The following APCDD1L variants were observed in gnomAD, a reference collection of about 807,000 sequenced individuals.
APCDD1L encodes APC down-regulated 1 like.
A neutral mutation model predicts 24.2 loss-of-function variants in APCDD1L; 21 were observed. The observed-to-expected ratio is 0.87, with a 90% CI of 0.61 to 1.25. The LOEUF is 1.25. Ranked by LOEUF, APCDD1L falls within the 50% of genes most tolerant of loss-of-function variation. The pLI is 0.00. For synonymous variants in APCDD1L, 321 were observed against 323.6 expected, an observed-to-expected ratio of 0.99 and a Z score of 0.09; for missense variants, 704 against 711.7, an observed-to-expected ratio of 0.99 and a Z score of 0.12.
intron 1 of APCDD1L, among the ~76,000 whole-genome samples, chr20:58,488,536 GC>G (rs1990167219): frequency 6.6e-6 from 1 of 152,182 alleles, no homozygotes; most frequent in Non-Finnish European, 1.5e-5. Flanking sequence ...TGATTACAAT[GC>G]AAAGAAATTA....
At chr20:58,488,703 C>T (rs886585900) in intron 1 of APCDD1L, among the ~76,000 whole-genome samples, 2 of 152,146 alleles carry the variant, frequency 1.3e-5, no homozygotes, top group African/African-American at 2.4e-5. Context: ...CACATCAAAA[C>T]TCATGGAATG....
Position 58,470,668 on chromosome 20 carries a change from A to C in APCDD1L, c.129T>G (p.Asp43Glu), listed in dbSNP as rs776806093. ...WEPHCQQPLP[D>E]RVPSTAILPP... is the part of the protein sequence containing the mutation. ...GCAGGATCGCAGTGCTGGGCACTCT[A>C]TCTGGCAAGGGCTGCTGGCAGTGGG... Residue 43 changes from aspartate to glutamate, a missense_variant, in exon 2 of 4, where the codon GAT becomes GAG. Physicochemically the swap from Asp to Glu is conservative, Grantham distance 45 (BLOSUM62 2). Coordinates refer to ENST00000371149, the MANE Select transcript of APCDD1L (RefSeq NM_153360.3). 8 of 1,568,626 alleles carry C rather than the reference A, an allele frequency of 5.1e-6. No homozygotes were observed. Among genetic ancestry groups the C allele is most frequent in the Non-Finnish European group, 6.1e-6 (7 of 1,156,522 alleles).
chr20:58,501,511 A>T (rs1990437125), intron 1 of APCDD1L, among the ~76,000 whole-genome samples: 1 of 152,306 alleles, frequency 6.6e-6, no homozygotes, highest in Non-Finnish European at 1.5e-5. Flanking sequence ...GCAGAAACCA[A>T]CCCTGCAGAC....
intron 3 of APCDD1L, among the ~76,000 whole-genome samples, chr20:58,465,488 A>G (rs949459024): frequency 1.6e-4 from 25 of 152,220 alleles, no homozygotes; most frequent in Admixed American, 1.6e-3. Context: ...CAACAAATAC[A>G]TGCTGAATGA....
chr20:58,462,804 A>C (rs1989633395), intron 3 of APCDD1L, among the ~76,000 whole-genome samples: 1 of 149,526 alleles, frequency 6.7e-6, no homozygotes, highest in Non-Finnish European at 1.5e-5. Context: ...AGATCACACC[A>C]TTGTACTCTG....
intron 1 of APCDD1L, among the ~76,000 whole-genome samples, chr20:58,477,422 C>T (rs1298517052): frequency 6.6e-6 from 1 of 152,136 alleles, no homozygotes; most frequent in Non-Finnish European, 1.5e-5. Flanking sequence ...GATGTTTCCT[C>T]GTGAGTAAAT....
chr20:58,470,607 AC>A lies in APCDD1L; in HGVS notation c.188+1del, dbSNP rs1285114325. Reference sequence around the variant, plus strand: ...CATGGTCAGGATGACCTGAAGTCTTACCCTGTGGAGATCCAAGGTCCATTAA... The same window carrying A: ...CATGGTCAGGATGACCTGAAGTCTTACCTGTGGAGATCCAAGGTCCATTAA... On this transcript the variant is annotated splice_donor_variant, in intron 2 of 3. Coordinates refer to ENST00000371149, the MANE Select transcript of APCDD1L (RefSeq NM_153360.3). LOFTEE classifies it high-confidence loss of function. 5 of 1,587,760 alleles carry A rather than the reference AC, an allele frequency of 3.1e-6. No individual in the cohort carries two copies. The highest frequency in any genetic ancestry group is 3.4e-6 in the Non-Finnish European group (4 of 1,167,012).
chr20:58,465,297 GCTC>G (rs1989686222), intron 3 of APCDD1L, among the ~76,000 whole-genome samples: 1 of 152,264 alleles, frequency 6.6e-6, no homozygotes, highest in African/African-American at 2.4e-5. Flanking sequence ...TTCGTGTCGT[GCTC>G]CTCCTCTGCT....
In APCDD1L at chr20:58,461,258, G is replaced by T. The variant is rs199818601; in HGVS notation, c.1038C>A (p.Arg346=). 1.2e-6 allele frequency: 2 copies of T among 1,613,330 alleles called. No individual in the cohort carries two copies. The highest frequency in any genetic ancestry group is 1.3e-5 in the African/African-American group (1 of 74,974). ...CCTCAAACACCAGCTCGGTGCCGCC[G>T]CGGACCCTGGTGGATGGCGTGCCCC... ...YTRGTPSTRV[R]GGTELVFEVT... is the part of the protein sequence containing the mutation. Residue 346 remains arginine, a synonymous_variant, in exon 4 of 4, where the codon CGC becomes CGA. Transcript: ENST00000371149. The surrounding 1 kb of genome is among the most constrained non-coding windows in gnomAD (Gnocchi z 6.0).
chr20:58,509,711 G>A (rs190598726), intron 1 of APCDD1L, among the ~76,000 whole-genome samples: 220 of 152,296 alleles, frequency 1.4e-3, no homozygotes, highest in African/African-American at 5.0e-3. Context: ...GCTGGCTTAC[G>A]GTTAGAGACT....
Position 58,460,826 on chromosome 20 carries a change from G to C in APCDD1L, c.1470C>G (p.Pro490=), listed in dbSNP as rs1381487357. 2 of 1,537,034 alleles carry C rather than the reference G, an allele frequency of 1.3e-6. No homozygotes were observed. The highest frequency in any genetic ancestry group is 2.8e-5 in the African/African-American group (2 of 72,420). ...GGAGGAAGGCCAGCCCTAGAACTAGGGGCAGAAGTGGGAAGGGGGCTATGT... is the reference window on the plus strand; with the variant it reads ...GGAGGAAGGCCAGCCCTAGAACTAGCGGCAGAAGTGGGAAGGGGGCTATGT... The part of the protein sequence containing the change: ...GLHIAPFPLL[P]LVLGLAFLHW... The change falls in exon 4 of 4, where the codon CCC becomes CCG. Residue 490 remains proline (P), a synonymous_variant. Transcript: ENST00000371149. The surrounding 1 kb of genome is among the most constrained non-coding windows in gnomAD (Gnocchi z 4.2).
rs1261054509 is a variant in APCDD1L at position 58,497,054 on chromosome 20, GGGCCCTTTGA to G, written c.49+17595_49+17604del. Among the ~76,000 whole-genome samples the G allele has an allele frequency of 7.2e-5, 11 of 152,286 alleles. No homozygotes were observed. The highest frequency in any genetic ancestry group is 2.6e-4 in the African/African-American group (11 of 41,566). ...ACTTGCAGACACCGGCCAGTGACAG[GGGCCCTTTGA>G]GGAGTGAGGCCATGCAGGGGACAGC... is the stretch of plus-strand genomic sequence containing the variant. On this transcript the variant is annotated intron_variant, in intron 1 of 3. Coordinates refer to ENST00000371149, the MANE Select transcript of APCDD1L (RefSeq NM_153360.3). This position sits in a 1 kb window ranked among gnomAD's most constrained non-coding sequence, Gnocchi z 4.3.
At chr20:58,513,450 C>T (rs1308477247) in intron 1 of APCDD1L, among the ~76,000 whole-genome samples, 1 of 152,102 alleles carries the variant, frequency 6.6e-6, no homozygotes, top group Non-Finnish European at 1.5e-5. Context: ...ACTCTTCAAA[C>T]TGCGGAGGCA....
In APCDD1L at chr20:58,494,799, A is replaced by G. The variant is rs1406468002; in HGVS notation, c.49+19860T>C. ...TCCTGTCTCACGATCATCTCCTGGC[A>G]TTCTGCACCCACTGAGCGCCTGGCA... On this transcript the variant is annotated intron_variant, in intron 1 of 3. Coordinates refer to ENST00000371149, the MANE Select transcript of APCDD1L (RefSeq NM_153360.3). The surrounding 1 kb of genome is among the most constrained non-coding windows in gnomAD (Gnocchi z 4.8). Among the ~76,000 whole-genome samples, 2 of 152,260 alleles carry G rather than the reference A, an allele frequency of 1.3e-5. No individual in the cohort carries two copies. Among genetic ancestry groups the G allele is most frequent in the East Asian group, 1.9e-4 (1 of 5,180 alleles).
rs1433230497 is a variant in APCDD1L at position 58,461,772 on chromosome 20, GGCCTTGGGTCTCCT to G, written c.742-232_742-219del. 2.4e-6 allele frequency: 1 copy of G among 423,112 alleles called. No individual in the cohort carries two copies. Among genetic ancestry groups the G allele is most frequent in the South Asian group, 1.2e-4 (1 of 8,062 alleles). The allele number at this position is 423,112 out of a possible 1,614,324, so 26.2% of individuals were successfully genotyped here. On this transcript the variant is annotated intron_variant, in intron 3 of 3. Coordinates refer to ENST00000371149, the MANE Select transcript of APCDD1L (RefSeq NM_153360.3). This position sits in a 1 kb window ranked among gnomAD's most constrained non-coding sequence, Gnocchi z 6.0. ...TGGAGGTCAGCCCCTGTATCCCCCGGGCCTTGGGTCTCCTGCTGTCTCTTCCACCTGGAATTCCC... is the reference window on the plus strand; with the variant it reads ...TGGAGGTCAGCCCCTGTATCCCCCGGGCTGTCTCTTCCACCTGGAATTCCC...
intron 1 of APCDD1L, among the ~76,000 whole-genome samples, chr20:58,486,347 A>G (rs931938416): frequency 1.2e-4 from 18 of 152,336 alleles, no homozygotes; most frequent in Non-Finnish European, 2.2e-4. Flanking sequence ...TGGTTCAGGG[A>G]GCAGATTAGA....
At chr20:58,468,764 C>T (rs775108766) in intron 2 of APCDD1L, among the ~76,000 whole-genome samples, 3 of 152,054 alleles carry the variant, frequency 2.0e-5, no homozygotes, top group East Asian at 3.9e-4. Flanking sequence ...GATGGAGTTT[C>T]GTCATGTTGG....
At chr20:58,473,138 G>A (rs1294800820) in intron 1 of APCDD1L, among the ~76,000 whole-genome samples, 1 of 152,198 alleles carries the variant, frequency 6.6e-6, no homozygotes, top group Non-Finnish European at 1.5e-5. Flanking sequence ...TTGCGTTTCA[G>A]AGTAAAATAG....
At chr20:58,470,808 G>A in intron 1 of APCDD1L, 61 bp from the exon 2 acceptor site, 1 of 1,483,612 alleles carries the variant, frequency 6.7e-7, no homozygotes, top group South Asian at 1.3e-5. Context: ...CACCCCATCT[G>A]CCCTCCCAAC....
Sources: allele counts gnomAD v4.1 joint callset (sites outside exome capture counted in the v4.1 genomes callset), GRCh38; gene constraint gnomAD v4.1.1; non-coding constraint Gnocchi (gnomAD v3.1); transcripts MANE v1.5; gene names NCBI Gene and HGNC (gene_info 2026-07-23, HGNC 2026-07-21).